Variants in DOCK11 observed in about 807,000 individuals in gnomAD.
The protein encoded by DOCK11 is dedicator of cytokinesis protein 11.
DOCK11 carries 70 observed loss-of-function variants against 169.1 expected under a neutral mutation model. The ratio of observed to expected loss-of-function variants is 0.41; its 90% CI spans 0.34 to 0.51. DOCK11 has a LOEUF of 0.51. Ranked by LOEUF, DOCK11 falls within the 20% of genes least tolerant of loss-of-function variation. The pLI is 0.10. For synonymous variants in DOCK11, 529 were observed against 541.3 expected (o/e 0.98, Z 0.32); for missense variants, 1,166 against 1,538.8 (o/e 0.76, Z 4.05).
chrX:118,577,815 A>G (rs781474552), intron 12 of DOCK11, among the ~76,000 whole-genome samples: 1 of 112,196 alleles, frequency 8.9e-6, no homozygotes, highest in South Asian at 3.7e-4. Context: ...GTAGAGACTC[A>G]GTGATAGATT....
At chrX:118,656,909 G>A (rs1463864048) in intron 44 of DOCK11, among the ~76,000 whole-genome samples, 1 of 111,625 alleles carries the variant, frequency 9.0e-6, no homozygotes, top group Non-Finnish European at 1.9e-5. Context: ...TCCAGCCTGG[G>A]CAATGAGAAC....
At chrX:118,657,992 A>G (rs933037997) in intron 44 of DOCK11, among the ~76,000 whole-genome samples, 1 of 111,281 alleles carries the variant, frequency 9.0e-6, no homozygotes, top group Non-Finnish European at 1.9e-5. Flanking sequence ...TAATCTGTTA[A>G]CCTCCCATCC....
At chrX:118,610,169 G>A in intron 27 of DOCK11, 103 bp from the exon 28 acceptor site, 2 of 843,315 alleles carry the variant, frequency 2.4e-6, no homozygotes, top group South Asian at 4.2e-5. Context: ...TTATACATCA[G>A]TTTTAAGATA....
chrX:118,639,615 A>C (rs1385845827), intron 38 of DOCK11, 38 bp downstream of exon 38: 2 of 1,170,586 alleles, frequency 1.7e-6, no homozygotes, highest in East Asian at 6.0e-5. Context: ...ATTTGACCTT[A>C]AAGAAGTCCT....
chrX:118,649,239 T>A, intron 41 of DOCK11, 112 bp downstream of exon 41: 1 of 552,108 alleles, frequency 1.8e-6, no homozygotes, highest in Non-Finnish European at 2.8e-6. Context: ...ATCTAGCACT[T>A]GATGTGTGGC....
At chrX:118,606,081 ATTTTT>A (rs952643747) in intron 24 of DOCK11, among the ~76,000 whole-genome samples, 1 of 71,096 alleles carries the variant, frequency 1.4e-5, no homozygotes, top group African/African-American at 5.5e-5. Context: ...GAGGAACAGA[ATTTTT>A]TTTTTTTTTT....
chrX:118,524,232 T>C (rs1300954133), intron 1 of DOCK11, among the ~76,000 whole-genome samples: 1 of 111,813 alleles, frequency 8.9e-6, no homozygotes, highest in Non-Finnish European at 1.9e-5. Context: ...TGTGACCTCA[T>C]TGAGAATACC....
intron 1 of DOCK11, among the ~76,000 whole-genome samples, chrX:118,504,996 G>A (rs774157604): frequency 8.9e-6 from 1 of 112,316 alleles, no homozygotes; most frequent in Non-Finnish European, 1.9e-5. Context: ...CCCCCTCAGG[G>A]GCTTGTTGAA....
chrX:118,512,110 C>T (rs1015192258), intron 1 of DOCK11, among the ~76,000 whole-genome samples: 3 of 111,549 alleles, frequency 2.7e-5, no homozygotes, highest in Non-Finnish European at 5.6e-5. Flanking sequence ...CCGTGTTGCC[C>T]AGGCTGGTCG....
At chrX:118,653,497 C>T (rs780763278) in intron 42 of DOCK11, among the ~76,000 whole-genome samples, 2 of 111,442 alleles carry the variant, frequency 1.8e-5, no homozygotes, top group African/African-American at 3.3e-5. Flanking sequence ...ACTGCAACCT[C>T]CACCTCCCAG....
At position 118,593,360 on chromosome X, in the gene DOCK11, T is replaced by C. The variant is rs2014063154; in HGVS notation, c.2263+23T>C. 2.5e-6 allele frequency: 3 copies of C among 1,183,397 alleles called. No homozygotes were observed. In the East Asian group the frequency reaches 9.0e-5, roughly 36 times the overall value. On this transcript the variant is annotated intron_variant, in intron 20 of 52. Transcript: ENST00000276202. Reference sequence around the variant, plus strand: ...CAGGTACGTGTTCTCTTTAAATGTCTCTCTCTACAGTTATTTGAAATGGAA... The same window carrying C: ...CAGGTACGTGTTCTCTTTAAATGTCCCTCTCTACAGTTATTTGAAATGGAA...
chrX:118,566,696 C>A, intron 9 of DOCK11, 43 bp downstream of exon 9: 1 of 1,088,607 alleles, frequency 9.2e-7, no homozygotes, highest in Non-Finnish European at 1.3e-6. Flanking sequence ...TGAGATAATG[C>A]AGGATTAGCT....
At chrX:118,669,909 C>A (rs770746826) in intron 45 of DOCK11, among the ~76,000 whole-genome samples, 60 of 111,588 alleles carry the variant, frequency 5.4e-4, no homozygotes, top group Non-Finnish European at 1.0e-3. Context: ...GTCTCTGCCT[C>A]TGTAGTCTCA....
intron 18 of DOCK11, 129 bp downstream of exon 18, chrX:118,588,607 T>C (rs2013890184): frequency 2.1e-6 from 1 of 474,281 alleles, no homozygotes; most frequent in Middle Eastern, 6.8e-4. Flanking sequence ...ACAAATGTAA[T>C]ACTTTCTTTT....
chrX:118,666,805 G>T (rs181658885), intron 45 of DOCK11, among the ~76,000 whole-genome samples: 170 of 111,779 alleles, frequency 1.5e-3, no homozygotes, highest in Non-Finnish European at 1.2e-3. Flanking sequence ...TCTCAAAGTG[G>T]TTGGACCGTT....
intron 6 of DOCK11, among the ~76,000 whole-genome samples, chrX:118,549,709 G>A (rs781506047): frequency 6.7e-5 from 7 of 105,198 alleles, no homozygotes; most frequent in Non-Finnish European, 7.6e-5. Context: ...ACATAGCACC[G>A]TGCCCAGCTA....
chrX:118,678,371 ACC>A (rs778710414), intron 48 of DOCK11, among the ~76,000 whole-genome samples: 1 of 112,489 alleles, frequency 8.9e-6, no homozygotes, highest in African/African-American at 3.2e-5. Flanking sequence ...TGGCGGTATT[ACC>A]CATATAATGG....
intron 12 of DOCK11, 90 bp downstream of exon 12, chrX:118,574,108 C>T (rs915997388): frequency 2.8e-5 from 26 of 933,210 alleles, no homozygotes; most frequent in Non-Finnish European, 3.9e-5. Context: ...CCAATGTTTT[C>T]ATGGCATTCT....
At chrX:118,661,746 A>G (rs1273445170) in intron 44 of DOCK11, among the ~76,000 whole-genome samples, 1 of 111,992 alleles carries the variant, frequency 8.9e-6, no homozygotes, top group Non-Finnish European at 1.9e-5. Flanking sequence ...AGGAATGTTT[A>G]CACATGTTCC....
Sources: allele counts gnomAD v4.1 joint callset (sites outside exome capture counted in the v4.1 genomes callset), GRCh38; gene constraint gnomAD v4.1.1; transcripts MANE v1.5; gene names NCBI Gene and HGNC (gene_info 2026-07-23, HGNC 2026-07-21).